The following DCAF6 variants were observed in gnomAD, a reference collection of about 807,000 sequenced individuals.
DCAF6 encodes the protein DDB1- and CUL4-associated factor 6.
A neutral mutation model predicts 125.1 loss-of-function variants in DCAF6; 54 were observed. The observed-to-expected ratio is 0.43, with a 90% CI of 0.35 to 0.54. The LOEUF is 0.54. Among genes scored for constraint, DCAF6 ranks in the 20% least tolerant of loss-of-function variants. DCAF6 has a pLI of 0.01. For missense variants in DCAF6, 934 were observed against 1,161.7 expected (o/e 0.80, Z 2.85); for synonymous variants, 371 against 390.4 (o/e 0.95, Z 0.58).
Position 168,040,703 on chromosome 1 carries a change from A to G in DCAF6, c.1727+2215A>G, listed in dbSNP as rs535704012. Among the ~76,000 whole-genome samples the G allele has an allele frequency of 4.1e-4, 60 of 147,964 alleles. No homozygotes were observed. The South Asian group carries it at 0.011, about 27-fold the overall frequency. On this transcript the variant is annotated intron_variant, in intron 13 of 21. Transcript: ENST00000367840. ...GAGCTGGCATCTTCTGAAGAATCTTATCTAAACTTTTTGGGCTTTTTTTTT... is the reference window on the plus strand; with the variant it reads ...GAGCTGGCATCTTCTGAAGAATCTTGTCTAAACTTTTTGGGCTTTTTTTTT...
chr1:168,050,957 AT>A lies in DCAF6; in HGVS notation c.2300+34del, dbSNP rs138318449. 6.5e-3 allele frequency: 7,954 copies of A among 1,214,394 alleles called. 11 individuals are homozygous for A. The highest frequency in any genetic ancestry group is 0.02 in the African/African-American group (1,326 of 65,032). 75.2% of individuals were successfully genotyped at this position (1,214,394 alleles called of 1,614,324 possible). A position where few individuals can be genotyped will look rare whatever the true frequency, so the allele number is the denominator to read the frequency against. Reference sequence around the variant, plus strand: ...AGGTAATTCAGTATGTTCCTTCATAATTTTTTTTTTATGATGGATTTGCCAG... The same window carrying A: ...AGGTAATTCAGTATGTTCCTTCATAATTTTTTTTTATGATGGATTTGCCAG... On this transcript the variant is annotated intron_variant, in intron 17 of 21. Coordinates refer to ENST00000367840, the MANE Select transcript of DCAF6 (RefSeq NM_001198956.2).
intron 3 of DCAF6, among the ~76,000 whole-genome samples, chr1:167,972,005 G>A (rs778095844): frequency 5.9e-5 from 9 of 152,076 alleles, no homozygotes; most frequent in South Asian, 2.1e-4. Flanking sequence ...ACAGGGATGC[G>A]CCACCATACC....
the DCAF6 span, chr1:167,878,702 A>T: frequency 4.0e-6 from 6 of 1,500,376 alleles, 1 homozygote; most frequent in Non-Finnish European, 5.5e-6. Flanking sequence ...GTAATCTGAA[A>T]CATTGTCCCC....
At chr1:167,910,828 T>G in the DCAF6 span, among the ~76,000 whole-genome samples, 1 of 152,234 alleles carries the variant, frequency 6.6e-6, no homozygotes, top group African/African-American at 2.4e-5. Flanking sequence ...GGCTCAACTT[T>G]GACTTCTTTA....
At position 167,997,891 on chromosome 1, in the gene DCAF6, A is replaced by C. The variant is rs113553641; in HGVS notation, c.903+4451A>C. ...ATATAATAGAAATGGCAATAAGTAC[A>C]TAAGGAGATACTCAACGTTATTAGT... is the stretch of plus-strand genomic sequence containing the variant. On this transcript the variant is annotated intron_variant, in intron 7 of 21. Coordinates refer to ENST00000367840, the MANE Select transcript of DCAF6 (RefSeq NM_001198956.2). Among the ~76,000 whole-genome samples the C allele has an allele frequency of 2.9e-3, 445 of 152,290 alleles. 1 individual carries two copies. The highest frequency in any genetic ancestry group is 0.01 in the African/African-American group (423 of 41,558).
In DCAF6 at chr1:168,049,346, G is replaced by A. The variant is rs185438990; in HGVS notation, c.2259-1546G>A. Among the ~76,000 whole-genome samples the A allele has an allele frequency of 3.3e-5, 5 of 151,518 alleles. No individual in the cohort carries two copies. The East Asian group carries it at 7.8e-4, about 24-fold the overall frequency. On this transcript the variant is annotated intron_variant, in intron 16 of 21. Transcript: ENST00000367840. ...CAACCTCATACTCCTGGGCTCAAGC[G>A]ATCTTCCTCCCTCAGTCTCCCAAGT...
chr1:168,058,892 T>G (rs1691243581), intron 17 of DCAF6, among the ~76,000 whole-genome samples: 1 of 152,208 alleles, frequency 6.6e-6, no homozygotes, highest in South Asian at 2.1e-4. Flanking sequence ...TCTACTGGGT[T>G]GTTTTAATTG....
intron 19 of DCAF6, 108 bp downstream of exon 19, chr1:168,065,854 T>C: frequency 9.3e-7 from 1 of 1,072,812 alleles, no homozygotes; most frequent in Non-Finnish European, 1.3e-6. Context: ...ATCCAAACTA[T>C]CTGACTAGGC....
At chr1:168,000,106 G>A (rs767580509) in intron 7 of DCAF6, among the ~76,000 whole-genome samples, 3 of 152,104 alleles carry the variant, frequency 2.0e-5, no homozygotes, top group East Asian at 3.9e-4. Context: ...CAATATTATT[G>A]TTGTGTCTCA....
At chr1:167,975,691 A>G (rs1678043642) in intron 4 of DCAF6, among the ~76,000 whole-genome samples, 1 of 152,138 alleles carries the variant, frequency 6.6e-6, no homozygotes, top group Non-Finnish European at 1.5e-5. Context: ...GACTACAGGC[A>G]TGTGCCACCA....
chr1:168,049,124 G>A (rs77153427), intron 16 of DCAF6, among the ~76,000 whole-genome samples: 4,564 of 152,212 alleles, frequency 0.03, 201 homozygotes, highest in African/African-American at 0.1. Context: ...TAATCATGGT[G>A]TTTAAAAAAA....
chr1:168,007,962 CTTTTTTTTTTTTTT>C (rs35185748), intron 10 of DCAF6, among the ~76,000 whole-genome samples: 2 of 67,480 alleles, frequency 3.0e-5, no homozygotes, highest in African/African-American at 1.3e-4. Flanking sequence ...TGTTGTACAT[CTTTTTTTTTTTTTT>C]TTTTTTTTTT....
the DCAF6 span, among the ~76,000 whole-genome samples, chr1:167,912,482 G>C: frequency 6.6e-6 from 1 of 152,162 alleles, no homozygotes; most frequent in African/African-American, 2.4e-5. Flanking sequence ...AGGGTGAGAG[G>C]GCTAGCTTTT....
At chr1:168,061,343 C>A (rs1365931812) in intron 17 of DCAF6, among the ~76,000 whole-genome samples, 2 of 152,038 alleles carry the variant, frequency 1.3e-5, no homozygotes, top group Admixed American at 1.3e-4. Context: ...AAGTAAACAT[C>A]TTTTTATTAT....
In DCAF6 at chr1:167,993,282, C is replaced by A. The variant is rs755464947; in HGVS notation, c.745C>A (p.Leu249Ile). 3.7e-6 allele frequency: 6 copies of A among 1,614,052 alleles called. No homozygotes were observed. Among genetic ancestry groups the A allele is most frequent in the Non-Finnish European group, 5.1e-6 (6 of 1,179,962 alleles). The change falls in exon 7 of 22, where the codon CTT becomes ATT. Residue 249 changes from leucine to isoleucine, a missense_variant. By Grantham distance (5) the Leu-to-Ile change is conservative (BLOSUM62 2). Coordinates refer to ENST00000367840, the MANE Select transcript of DCAF6 (RefSeq NM_001198956.2). ...GMVARFIPSH[L>I]NNKSCRVTSL... ...GGTTGCCCGTTTTATTCCTTCCCAT[C>A]TTAATAATAAGTCCTGCAGAGTGAC... is the stretch of plus-strand genomic sequence containing the variant.
At chr1:167,926,760 G>C in the DCAF6 span, among the ~76,000 whole-genome samples, 1 of 152,172 alleles carries the variant, frequency 6.6e-6, no homozygotes, top group Non-Finnish European at 1.5e-5. Context: ...TGATAAGCTA[G>C]GCAAACATTC....
chr1:167,934,774 C>T (rs1055014306), upstream of DCAF6, among the ~76,000 whole-genome samples: 11 of 152,186 alleles, frequency 7.2e-5, no homozygotes, highest in African/African-American at 2.7e-4. Flanking sequence ...CAATTTACAA[C>T]ACATTTTCTA....
rs1274532018 is a variant in DCAF6, at chr1:168,044,909, A to G, written c.1940A>G (p.Asp647Gly). The G allele has an allele frequency of 2.5e-6, 4 of 1,613,272 alleles. No individual in the cohort carries two copies. Among genetic ancestry groups the G allele is most frequent in the Non-Finnish European group, 8.5e-7 (1 of 1,179,758 alleles). The change falls in exon 16 of 22, where the codon GAT (aspartate) becomes GGT (glycine). Residue 647 changes from aspartate to glycine, a missense_variant. This residue lies in a region of DCAF6 where 559 missense variants were observed against 635.5 expected (regional missense o/e 0.88). Transcript: ENST00000367840. ...CTTTATTTTCTGACAGCACAATCAG[A>G]TAAGTTCACAGCCAAGCCATTGGAT... ...VENHINITQS[D>G]KFTAKPLDSN...
At chr1:168,000,463 G>A (rs1218629745) in intron 7 of DCAF6, among the ~76,000 whole-genome samples, 3 of 152,132 alleles carry the variant, frequency 2.0e-5, no homozygotes, top group Admixed American at 6.5e-5. Flanking sequence ...GAAGCAAAGT[G>A]CAATAAAATG....
Sources: allele counts gnomAD v4.1 joint callset (sites outside exome capture counted in the v4.1 genomes callset), GRCh38; gene constraint gnomAD v4.1.1; regional missense constraint gnomAD v4.1.1; transcripts MANE v1.5; gene names NCBI Gene and HGNC (gene_info 2026-07-23, HGNC 2026-07-21).